Variants in SLCO5A1 observed in about 807,000 individuals in gnomAD.
SLCO5A1 encodes organic anion transporter polypeptide-related protein 4.
A neutral mutation model predicts 65.1 loss-of-function variants in SLCO5A1; 39 were observed. The observed-to-expected ratio is 0.60, with a 90% CI of 0.46 to 0.78. SLCO5A1 has a LOEUF of 0.78. Among genes scored for constraint, SLCO5A1 ranks in the 30% least tolerant of loss-of-function variants. The pLI, the probability that SLCO5A1 is intolerant of heterozygous loss-of-function variation, is 0.00. For missense variants in SLCO5A1, 1,029 were observed against 1,069.4 expected (o/e 0.96, Z 0.53); for synonymous variants, 438 against 415.7 (o/e 1.05, Z -0.65).
At chr8:69,834,433 G>A (rs1309950044) in intron 1 of SLCO5A1, among the ~76,000 whole-genome samples, 2 of 152,202 alleles carry the variant, frequency 1.3e-5, no homozygotes, top group African/African-American at 4.8e-5. Flanking sequence ...ATCTCCCTCG[G>A]CTGTGCTGGG....
chr8:69,820,106 G>A (rs1397672329), intron 2 of SLCO5A1, among the ~76,000 whole-genome samples: 2 of 152,192 alleles, frequency 1.3e-5, no homozygotes, highest in South Asian at 2.1e-4. Context: ...CATATAGCCT[G>A]GAAAATCTAA....
At chr8:69,785,683 C>T (rs1248484491) in intron 2 of SLCO5A1, among the ~76,000 whole-genome samples, 1 of 152,204 alleles carries the variant, frequency 6.6e-6, no homozygotes, top group Non-Finnish European at 1.5e-5. Context: ...CCAAGTCTGA[C>T]TTTGAAATCC....
intron 4 of SLCO5A1, among the ~76,000 whole-genome samples, chr8:69,741,105 A>T (rs867707232): frequency 1.3e-5 from 2 of 152,198 alleles, no homozygotes; most frequent in South Asian, 2.1e-4. Context: ...TGTCCTTTCC[A>T]TAATACATTG....
rs1221075554 is a variant in SLCO5A1, at chr8:69,742,101, T to G, written c.1259-3897A>C. Reference sequence around the variant, plus strand: ...ACATACACTGAAGTATTAGGGACAGTAGAGTACCACACCCTCAATTTCTCA... The same window carrying G: ...ACATACACTGAAGTATTAGGGACAGGAGAGTACCACACCCTCAATTTCTCA... On this transcript the variant is annotated intron_variant, in intron 4 of 9. Transcript: ENST00000260126. Among the ~76,000 whole-genome samples the G allele has an allele frequency of 5.3e-5, 8 of 152,306 alleles. No homozygotes were observed. The East Asian group carries it at 1.5e-3, about 29-fold the overall frequency.
chr8:69,755,336 G>A, intron 4 of SLCO5A1, 88 bp downstream of exon 4: 1 of 1,051,158 alleles, frequency 9.5e-7, no homozygotes, highest in South Asian at 1.5e-5. Context: ...GCCACAGACA[G>A]TGGGTAGACA....
At chr8:69,813,651 T>G (rs952071650) in intron 2 of SLCO5A1, among the ~76,000 whole-genome samples, 1 of 152,158 alleles carries the variant, frequency 6.6e-6, no homozygotes, top group African/African-American at 2.4e-5. Flanking sequence ...GAGAACATGC[T>G]CAAGGGATGG....
chr8:69,783,576 T>C lies in SLCO5A1; in HGVS notation c.908-21701A>G, dbSNP rs140159386. Among the ~76,000 whole-genome samples, 188 of 152,192 alleles carry C rather than the reference T, an allele frequency of 1.2e-3. 1 individual carries two copies. Among genetic ancestry groups the C allele is most frequent in the African/African-American group, 4.5e-3 (185 of 41,532 alleles). On this transcript the variant is annotated intron_variant, in intron 2 of 9. Transcript: ENST00000260126. ...TCATAAAAGGATGATGATGATGATG[T>C]CAATTTTATGGTTAAGTGTATTTTT...
intron 2 of SLCO5A1, among the ~76,000 whole-genome samples, chr8:69,819,743 C>T (rs1249977522): frequency 6.6e-6 from 1 of 152,162 alleles, no homozygotes; most frequent in Non-Finnish European, 1.5e-5. Flanking sequence ...GGGCAGATCA[C>T]CTGAGGTCAG....
chr8:69,818,824 C>T (rs2380603), intron 2 of SLCO5A1, among the ~76,000 whole-genome samples: 51,598 of 151,934 alleles, frequency 0.34, 8,892 homozygotes, highest in African/African-American at 0.39. Context: ...CAAACACACA[C>T]AAAACTCATG....
At chr8:69,830,229 G>A (rs1258302019) in intron 2 of SLCO5A1, among the ~76,000 whole-genome samples, 2 of 152,128 alleles carry the variant, frequency 1.3e-5, no homozygotes, top group Non-Finnish European at 2.9e-5. Context: ...ACATACTGAG[G>A]ACAAAGCATA....
chr8:69,762,041 A>G (rs1432811569), intron 2 of SLCO5A1, among the ~76,000 whole-genome samples, 166 bp from the exon 3 acceptor site: 2 of 152,174 alleles, frequency 1.3e-5, no homozygotes, highest in Non-Finnish European at 2.9e-5. Context: ...TTGGTTTTGA[A>G]GCTTGCCCTT....
Position 69,676,645 on chromosome 8 carries a change from C to A in SLCO5A1, c.2053G>T (p.Ala685Ser). Residue 685 changes from alanine (A) to serine (S), a missense_variant, in exon 9 of 10, where the codon GCA becomes TCA. By Grantham distance (99) the Ala-to-Ser change is moderately conservative. Coordinates refer to ENST00000260126, the MANE Select transcript of SLCO5A1 (RefSeq NM_030958.3). ...RSVEDEERPF[A>S]LGMQFVLLRT... The stretch of plus-strand genomic sequence containing the variant: ...AACAAAACAAACTGCATTCCCAGTG[C>A]AAAAGGTCTCTCCTCATCTTCTACG... The A allele has an allele frequency of 6.2e-7, 1 of 1,612,262 alleles. No individual in the cohort carries two copies. The highest frequency in any genetic ancestry group is 8.5e-7 in the Non-Finnish European group (1 of 1,179,178).
At chr8:69,716,668 T>G (rs1045816441) in intron 5 of SLCO5A1, among the ~76,000 whole-genome samples, 3 of 152,236 alleles carry the variant, frequency 2.0e-5, no homozygotes, top group Non-Finnish European at 4.4e-5. Context: ...TTAATTGGCT[T>G]ATTTTTCTTT....
chr8:69,812,437 A>G (rs1820244159), intron 2 of SLCO5A1, among the ~76,000 whole-genome samples: 1 of 152,234 alleles, frequency 6.6e-6, no homozygotes. Flanking sequence ...CACATTAGTC[A>G]TCTATGTATA....
At chr8:69,796,687 G>T in intron 2 of SLCO5A1, among the ~76,000 whole-genome samples, 1 of 151,062 alleles carries the variant, frequency 6.6e-6, no homozygotes, top group East Asian at 1.9e-4. Flanking sequence ...GTATATATAC[G>T]TGTGTATGTA....
intron 9 of SLCO5A1, 88 bp downstream of exon 9, chr8:69,676,521 G>A (rs1048942809): frequency 9.1e-7 from 1 of 1,098,854 alleles, no homozygotes; most frequent in African/African-American, 1.6e-5. Context: ...GGTAATAAAT[G>A]ACATGACTTG....
At chr8:69,740,932 T>A (rs1352342209) in intron 4 of SLCO5A1, among the ~76,000 whole-genome samples, 2 of 152,188 alleles carry the variant, frequency 1.3e-5, no homozygotes, top group African/African-American at 4.8e-5. Context: ...AGACATCTAC[T>A]TGCTAAAATT....
Position 69,802,421 on chromosome 8 carries a change from G to A in SLCO5A1, c.907+29346C>T, listed in dbSNP as rs539803998. Reference sequence around the variant, plus strand: ...CTCGGGAGGCGGAGGTGGGAGGATCGCTTGAACCCCGGAAGTCAAGGCTGC... The same window carrying A: ...CTCGGGAGGCGGAGGTGGGAGGATCACTTGAACCCCGGAAGTCAAGGCTGC... On this transcript the variant is annotated intron_variant, in intron 2 of 9. Transcript: ENST00000260126. 2.6e-5 allele frequency among the ~76,000 whole-genome samples: 4 copies of A among 151,648 alleles called. No individual in the cohort carries two copies. In the South Asian group the frequency reaches 6.2e-4, roughly 24 times the overall value.
intron 2 of SLCO5A1, among the ~76,000 whole-genome samples, chr8:69,779,523 T>C (rs1818713186): frequency 6.6e-6 from 1 of 152,106 alleles, no homozygotes; most frequent in Non-Finnish European, 1.5e-5. Flanking sequence ...TGAAGTAAAA[T>C]AGAATCATAA....
Sources: allele counts gnomAD v4.1 joint callset (sites outside exome capture counted in the v4.1 genomes callset), GRCh38; gene constraint gnomAD v4.1.1; transcripts MANE v1.5; gene names NCBI Gene and HGNC (gene_info 2026-07-23, HGNC 2026-07-21).